Variants in ANAPC10 observed in about 807,000 individuals in gnomAD.
ANAPC10 encodes anaphase-promoting complex subunit 10.
ANAPC10 carries 12 observed loss-of-function variants against 22.0 expected under a neutral mutation model. The ratio of observed to expected loss-of-function variants is 0.55; its 90% confidence interval spans 0.35 to 0.88. The LOEUF (loss-of-function observed/expected upper bound fraction) is 0.88, where lower values mean the gene tolerates loss of function less well. Among genes scored for constraint, ANAPC10 ranks in the 40% least tolerant of loss-of-function variants. The pLI is 0.01. For missense variants in ANAPC10, 188 were observed against 220.9 expected (o/e 0.85, Z 0.94); for synonymous variants, 65 against 69.5 (o/e 0.94, Z 0.32).
chr4:145,068,596 C>T lies in ANAPC10; in HGVS notation c.207-3904G>A, dbSNP rs1192792277. On this transcript the variant is annotated intron_variant, in intron 3 of 4. Transcript: ENST00000507656. ...ATATTTATAAATAACTATATTCTTC[C>T]ATATATGTTCCTGGTATAAAAGTGA... Among the ~76,000 whole-genome samples, 7 of 152,200 alleles carry T rather than the reference C, an allele frequency of 4.6e-5. No individual in the cohort carries two copies. The East Asian group carries it at 1.4e-3, about 29-fold the overall frequency.
At chr4:145,015,363 T>C (rs1578912900) in intron 4 of ANAPC10, among the ~76,000 whole-genome samples, 1 of 151,946 alleles carries the variant, frequency 6.6e-6, no homozygotes, top group African/African-American at 2.4e-5. Flanking sequence ...ACAAGGTCTT[T>C]GAATTAACCC....
intron 2 of ANAPC10, among the ~76,000 whole-genome samples, chr4:145,082,878 A>G (rs1374725105): frequency 6.6e-6 from 1 of 152,210 alleles, no homozygotes; most frequent in Non-Finnish European, 1.5e-5. Flanking sequence ...TCATTATGGA[A>G]CAAATCCAAA....
In ANAPC10 at chr4:145,049,024, T is replaced by C. The variant is rs146105846; in HGVS notation, c.327+15548A>G. ...AATAAAGTGAGTCAGTCATACAATGTTTTGGTTTCTCAGTGCATATATTAT... is the reference window on the plus strand; with the variant it reads ...AATAAAGTGAGTCAGTCATACAATGCTTTGGTTTCTCAGTGCATATATTAT... On this transcript the variant is annotated intron_variant, in intron 4 of 4. Transcript: ENST00000507656. Among the ~76,000 whole-genome samples, 641 of 152,298 alleles carry C rather than the reference T, an allele frequency of 4.2e-3. 7 individuals carry two copies. Among genetic ancestry groups the C allele is most frequent in the African/African-American group, 0.015 (606 of 41,574 alleles).
intron 4 of ANAPC10, among the ~76,000 whole-genome samples, chr4:145,039,289 A>G (rs941255102): frequency 1.8e-4 from 27 of 152,256 alleles, no homozygotes; most frequent in Admixed American, 1.8e-3. Flanking sequence ...GGTTATCGCA[A>G]TCCTATGTAG....
Position 145,006,180 on chromosome 4 carries a change from G to C in ANAPC10, c.328-10577C>G, listed in dbSNP as rs150433615. On this transcript the variant is annotated intron_variant, in intron 4 of 4. Coordinates refer to ENST00000507656, the MANE Select transcript of ANAPC10 (RefSeq NM_001256706.2). Reference sequence around the variant, plus strand: ...TTTAGGGCAGTTAAGTCCTCTTCTTGAATTGAGCTCTTTACCATTATGTAA... The same window carrying C: ...TTTAGGGCAGTTAAGTCCTCTTCTTCAATTGAGCTCTTTACCATTATGTAA... Among the ~76,000 whole-genome samples, 614 of 152,218 alleles carry C rather than the reference G, an allele frequency of 4.0e-3. 8 individuals carry two copies. The highest frequency in any genetic ancestry group is 0.014 in the African/African-American group (568 of 41,542).
rs1370716967 is a variant in ANAPC10, at chr4:145,090,890, C to T, written c.115+5095G>A. ...GATTGTGTCTTTTTTGTCTTTCAATCTCTAACAAGTTTGAGTTACAAATCT... is the reference window on the plus strand; with the variant it reads ...GATTGTGTCTTTTTTGTCTTTCAATTTCTAACAAGTTTGAGTTACAAATCT... On this transcript the variant is annotated intron_variant, in intron 2 of 4. Transcript: ENST00000507656. Among the ~76,000 whole-genome samples, 2 of 152,148 alleles carry T rather than the reference C, an allele frequency of 1.3e-5. 1 individual carries two copies. Among genetic ancestry groups the T allele is most frequent in the African/African-American group, 4.8e-5 (2 of 41,442 alleles).
intron 2 of ANAPC10, among the ~76,000 whole-genome samples, chr4:145,085,987 G>A (rs1746835718): frequency 6.6e-6 from 1 of 151,600 alleles, no homozygotes; most frequent in Non-Finnish European, 1.5e-5. Flanking sequence ...AGTGACTGTT[G>A]CAGGTGGCTG....
At chr4:145,079,025 T>C (rs1745582583) in intron 3 of ANAPC10, among the ~76,000 whole-genome samples, 1 of 152,052 alleles carries the variant, frequency 6.6e-6, no homozygotes, top group South Asian at 2.1e-4. Context: ...AAAATGTAAA[T>C]TGACAAGTGG....
intron 4 of ANAPC10, among the ~76,000 whole-genome samples, chr4:145,040,892 A>G (rs2127135732): frequency 6.6e-6 from 1 of 152,362 alleles, no homozygotes; most frequent in South Asian, 2.1e-4. Flanking sequence ...CAACTGGGTG[A>G]AAGTCTCATA....
chr4:145,040,121 GTGTGTGTA>G (rs1303431533), intron 4 of ANAPC10, among the ~76,000 whole-genome samples: 146 of 54,040 alleles, frequency 2.7e-3, no homozygotes, highest in Admixed American at 0.015. Flanking sequence ...TTGTTTTAGT[GTGTGTGTA>G]TGTGTGTGTG....
At chr4:145,054,226 C>T (rs1174311273) in intron 4 of ANAPC10, among the ~76,000 whole-genome samples, 1 of 150,748 alleles carries the variant, frequency 6.6e-6, no homozygotes, top group Non-Finnish European at 1.5e-5. Context: ...CTGTTTTAAT[C>T]AGCAACATGT....
intron 4 of ANAPC10, among the ~76,000 whole-genome samples, chr4:145,015,804 T>C (rs546967171): frequency 6.6e-6 from 1 of 152,176 alleles, no homozygotes; most frequent in South Asian, 2.1e-4. Context: ...CAAACAAAAT[T>C]ATCAGCCAAG....
chr4:145,064,494 A>C (rs1250527986), intron 4 of ANAPC10, 78 bp downstream of exon 4: 1 of 1,197,594 alleles, frequency 8.4e-7, no homozygotes, highest in Non-Finnish European at 1.2e-6. Context: ...AACCTGTCTA[A>C]TGTAATGTCA....
At chr4:145,077,196 C>G (rs1034708381) in intron 3 of ANAPC10, among the ~76,000 whole-genome samples, 2 of 151,270 alleles carry the variant, frequency 1.3e-5, no homozygotes, top group African/African-American at 4.9e-5. Context: ...AAGACTCTGT[C>G]TCAAAAAAAA....
intron 4 of ANAPC10, among the ~76,000 whole-genome samples, chr4:145,052,602 T>TA (rs762350424): frequency 7.9e-5 from 12 of 151,804 alleles, no homozygotes; most frequent in Non-Finnish European, 1.6e-4. Context: ...TTTTCCTATT[T>TA]AAAAAAAATA....
intron 3 of ANAPC10, among the ~76,000 whole-genome samples, chr4:145,070,141 A>C (rs1744282033): frequency 6.6e-6 from 1 of 152,230 alleles, no homozygotes; most frequent in Non-Finnish European, 1.5e-5. Context: ...TCTGCTCTAA[A>C]GCAGGGCTTG....
In ANAPC10 at chr4:145,026,945, A is replaced by ATATATATATG. The variant is rs1287102797; in HGVS notation, c.328-31343_328-31342insCATATATATA. Among the ~76,000 whole-genome samples, 148 of 17,110 alleles carry ATATATATATG rather than the reference A, an allele frequency of 8.6e-3. 2 individuals are homozygous for ATATATATATG. Among genetic ancestry groups the ATATATATATG allele is most frequent in the African/African-American group, 0.015 (99 of 6,390 alleles). 11.2% of individuals were successfully genotyped at this position (17,110 alleles called of 152,430 possible). A position where few individuals can be genotyped will look rare whatever the true frequency, so the allele number is the denominator to read the frequency against. ...CATATATATATATATATATATATAT[A>ATATATATATG]TGTGTGTGTGTGTATATATATATAT... is the stretch of plus-strand genomic sequence containing the variant. On this transcript the variant is annotated intron_variant, in intron 4 of 4. Transcript: ENST00000507656.
chr4:145,092,050 C>T (rs977630483), intron 2 of ANAPC10, among the ~76,000 whole-genome samples: 4 of 152,112 alleles, frequency 2.6e-5, no homozygotes, highest in African/African-American at 9.7e-5. Flanking sequence ...TCATCCTCAG[C>T]AAACTAACAC....
At chr4:145,076,746 C>T (rs946678753) in intron 3 of ANAPC10, among the ~76,000 whole-genome samples, 1 of 152,130 alleles carries the variant, frequency 6.6e-6, no homozygotes, top group Admixed American at 6.6e-5. Context: ...GACGAAATAG[C>T]TATTTTAAGA....
Sources: gnomAD v4.1 joint callset for allele counts (sites outside exome capture counted in the v4.1 genomes callset) on GRCh38, gnomAD v4.1.1 for gene constraint, MANE v1.5 for transcripts, NCBI Gene and HGNC (gene_info 2026-07-23, HGNC 2026-07-21) for gene names.